ITSN1: variants seen among roughly 807,000 people sequenced by gnomAD.
ITSN1 encodes intersectin 1.
Under a neutral mutation model 239.8 loss-of-function variants are expected in ITSN1, and 58 were observed. That is an observed-to-expected ratio of 0.24 (90% CI 0.20 to 0.30). The LOEUF is 0.30. Among genes scored for constraint, ITSN1 ranks in the 10% least tolerant of loss-of-function variants. ITSN1 has a pLI of 1.00. For missense variants in ITSN1, 1,558 were observed against 2,103.3 expected (o/e 0.74, Z 5.07); for synonymous variants, 780 against 770.8 (o/e 1.01, Z -0.20).
chr21:33,739,389 A>G (rs756528136), intron 5 of ITSN1, among the ~76,000 whole-genome samples: 2 of 152,084 alleles, frequency 1.3e-5, no homozygotes, highest in African/African-American at 2.4e-5. Context: ...GCCAGAGTAC[A>G]TGGTTTTATT....
intron 28 of ITSN1, among the ~76,000 whole-genome samples, chr21:33,835,903 C>T (rs1477190984): frequency 2.6e-5 from 4 of 152,086 alleles, no homozygotes; most frequent in Non-Finnish European, 5.9e-5. Flanking sequence ...TGCACTCCAG[C>T]GTGGGCAACA....
intron 1 of ITSN1, among the ~76,000 whole-genome samples, chr21:33,701,881 A>G (rs1196457961): frequency 6.6e-6 from 1 of 151,784 alleles, no homozygotes; most frequent in Non-Finnish European, 1.5e-5. Context: ...CAGCCTGGTC[A>G]ACATGATGAA....
intron 29 of ITSN1, chr21:33,838,366 A>G (rs2074704340): frequency 1.0e-6 from 1 of 985,404 alleles, no homozygotes; most frequent in Non-Finnish European, 1.2e-6. Context: ...CTCCTCGTTC[A>G]GTTGCACTTC....
At chr21:33,878,488 A>G (rs1308365187) in intron 34 of ITSN1, among the ~76,000 whole-genome samples, 1 of 152,094 alleles carries the variant, frequency 6.6e-6, no homozygotes, top group African/African-American at 2.4e-5. Flanking sequence ...ACACACATAC[A>G]CCATTCACTA....
intron 32 of ITSN1, among the ~76,000 whole-genome samples, chr21:33,867,008 C>A (rs1981723977): frequency 6.6e-6 from 1 of 152,042 alleles, no homozygotes; most frequent in African/African-American, 2.4e-5. Context: ...GAGTGCAGGG[C>A]TTAACCCTGC....
chr21:33,785,281 A>T (rs2070567095), intron 16 of ITSN1, among the ~76,000 whole-genome samples: 1 of 152,204 alleles, frequency 6.6e-6, no homozygotes, highest in African/African-American at 2.4e-5. Context: ...TATTTTGGGT[A>T]AATTGCAATA....
chr21:33,847,283 GGCT>G, intron 29 of ITSN1, among the ~76,000 whole-genome samples: 2 of 152,308 alleles, frequency 1.3e-5, no homozygotes, highest in Middle Eastern at 6.8e-3. Flanking sequence ...GAGAAGGCCT[GGCT>G]GCCTTGGCCT....
chr21:33,651,156 G>A (rs965001190), intron 1 of ITSN1, among the ~76,000 whole-genome samples: 3 of 152,256 alleles, frequency 2.0e-5, no homozygotes, highest in Non-Finnish European at 4.4e-5. Flanking sequence ...GAGGCCCGAG[G>A]GCTCTGAGCT....
At chr21:33,739,353 T>C (rs1165730275) in intron 5 of ITSN1, among the ~76,000 whole-genome samples, 1 of 152,150 alleles carries the variant, frequency 6.6e-6, no homozygotes, top group African/African-American at 2.4e-5. Flanking sequence ...GAGGAGTCTG[T>C]TTTTCTTTTG....
intron 12 of ITSN1, among the ~76,000 whole-genome samples, chr21:33,773,803 C>T (rs900989370): frequency 4.6e-5 from 7 of 152,038 alleles, no homozygotes; most frequent in Admixed American, 3.3e-4. Flanking sequence ...CCTCAGCCTC[C>T]GGAGTAGCTG....
At chr21:33,672,257 T>A (rs1294625484) in intron 1 of ITSN1, among the ~76,000 whole-genome samples, 1 of 152,190 alleles carries the variant, frequency 6.6e-6, no homozygotes, top group Non-Finnish European at 1.5e-5. Flanking sequence ...CTACTTAATT[T>A]TATCTAATTC....
chr21:33,723,483 G>A (rs905132210), intron 4 of ITSN1, among the ~76,000 whole-genome samples: 4 of 152,088 alleles, frequency 2.6e-5, no homozygotes, highest in African/African-American at 9.7e-5. Context: ...GTGTGGTGGC[G>A]GGCGCCTGTA....
intron 23 of ITSN1, 138 bp from the exon 24 acceptor site, chr21:33,819,103 C>G: frequency 1.6e-6 from 1 of 624,394 alleles, no homozygotes; most frequent in Non-Finnish European, 2.8e-6. Context: ...GTGTTTTTAA[C>G]CTAGCTAAGT....
chr21:33,756,521 C>T (rs2067929564), intron 8 of ITSN1, among the ~76,000 whole-genome samples: 1 of 151,998 alleles, frequency 6.6e-6, no homozygotes, highest in Non-Finnish European at 1.5e-5. Context: ...CTTGCTATTA[C>T]TTAAAATTGC....
chr21:33,897,787 A>G lies in ITSN1; in HGVS notation c.*9487A>G, dbSNP rs1986866376. ...ATTTAAGTGCATAAAACTATAGAAA[A>G]AAATTTAAAACCTATTCCAAGAGTA... On this transcript the variant is annotated 3_prime_UTR_variant, in exon 40 of 40. Coordinates refer to ENST00000381318, the MANE Select transcript of ITSN1 (RefSeq NM_003024.3). The G allele has an allele frequency of 6.6e-6, 1 of 152,230 alleles. No homozygotes were observed. The highest frequency in any genetic ancestry group is 1.5e-5 in the Non-Finnish European group (1 of 68,050). The allele number at this position is 152,230 out of a possible 1,614,324, so 9.4% of individuals were successfully genotyped here. A position where few individuals can be genotyped will look rare whatever the true frequency, so the allele number is the denominator to read the frequency against.
At chr21:33,688,507 T>C (rs1156566088) in intron 1 of ITSN1, among the ~76,000 whole-genome samples, 4 of 152,208 alleles carry the variant, frequency 2.6e-5, no homozygotes, top group Non-Finnish European at 4.4e-5. Flanking sequence ...TACACATGGT[T>C]TGTGTGCTTT....
At chr21:33,734,302 A>C (rs1322183694) in intron 4 of ITSN1, among the ~76,000 whole-genome samples, 3 of 152,128 alleles carry the variant, frequency 2.0e-5, no homozygotes, top group Non-Finnish European at 4.4e-5. Context: ...CCTTTTGCTT[A>C]CTCTTCTTTG....
Position 33,850,354 on chromosome 21 carries a change from C to T in ITSN1, c.3662-6382C>T, listed in dbSNP as rs933609846. Among the ~76,000 whole-genome samples, 5 of 152,328 alleles carry T rather than the reference C, an allele frequency of 3.3e-5. No individual in the cohort carries two copies. In the East Asian group the frequency reaches 7.7e-4, roughly 24 times the overall value. On this transcript the variant is annotated intron_variant, in intron 29 of 39. Coordinates refer to ENST00000381318, the MANE Select transcript of ITSN1 (RefSeq NM_003024.3). ...GGTGGGATACCTGAGCTCTGCTGGACCCACGAGGGTCTCTGGTGCCTTTGG... is the reference window on the plus strand; with the variant it reads ...GGTGGGATACCTGAGCTCTGCTGGATCCACGAGGGTCTCTGGTGCCTTTGG...
At chr21:33,774,694 G>A in intron 12 of ITSN1, 35 bp from the exon 13 acceptor site, 1 of 1,599,024 alleles carries the variant, frequency 6.3e-7, no homozygotes, top group Non-Finnish European at 8.5e-7. Context: ...TGTAAGAACT[G>A]AAAAATTAGT....
Sources: allele counts gnomAD v4.1 joint callset (sites outside exome capture counted in the v4.1 genomes callset), GRCh38; gene constraint gnomAD v4.1.1; transcripts MANE v1.5; gene names NCBI Gene and HGNC (gene_info 2026-07-23, HGNC 2026-07-21).